The following COL11A2 variants were observed in gnomAD, a reference collection of about 807,000 sequenced individuals.
The protein encoded by COL11A2 is collagen type XI alpha 2 chain, also known as collagen alpha-2(XI) chain.
A neutral mutation model predicts 273.4 loss-of-function variants in COL11A2; 116 were observed. That is an observed-to-expected ratio of 0.42 (90% CI 0.36 to 0.49). The LOEUF (loss-of-function observed/expected upper bound fraction) is 0.49. Ranked by LOEUF, COL11A2 falls within the 20% of genes least tolerant of loss-of-function variation. The pLI is 0.00. For synonymous variants in COL11A2, 782 were observed against 864.2 expected, an observed-to-expected ratio of 0.90 and a Z score of 1.67; for missense variants, 1,866 against 2,309.0, an observed-to-expected ratio of 0.81 and a Z score of 3.93.
At position 33,176,535 on chromosome 6, in the gene COL11A2, G is replaced by T; in HGVS notation, c.2116-49C>A. 1 of 1,551,882 alleles carries T rather than the reference G, an allele frequency of 6.4e-7. No homozygotes were observed. Among genetic ancestry groups the T allele is most frequent in the Non-Finnish European group, 8.9e-7 (1 of 1,124,988 alleles). On this transcript the variant is annotated intron_variant, in intron 26 of 65. Coordinates refer to ENST00000341947, the MANE Select transcript of COL11A2 (RefSeq NM_080680.3). This position sits in a 1 kb window ranked among gnomAD's most constrained non-coding sequence, Gnocchi z 4.9. Reference sequence around the variant, plus strand: ...TATAAAGGGGCCTCAGAGTGTCACTGTGGGGGCCTCCAGGGGTGGAAGAAA... The same window carrying T: ...TATAAAGGGGCCTCAGAGTGTCACTTTGGGGGCCTCCAGGGGTGGAAGAAA...
In COL11A2 at chr6:33,172,381, AAAAGG is replaced by A; in HGVS notation, c.2899-8_2899-4del. On this transcript the variant is annotated splice_region_variant and splice_polypyrimidine_tract_variant and intron_variant, in intron 39 of 65. Coordinates refer to ENST00000341947, the MANE Select transcript of COL11A2 (RefSeq NM_080680.3). ...GCCCCAGGGGGACCAGGGTCACCCT[AAAAGG>A]AAAGGAGAGGTGATGAGCCACAGCC... The A allele has an allele frequency of 6.3e-7, 1 of 1,583,170 alleles. No individual in the cohort carries two copies. Among genetic ancestry groups the A allele is most frequent in the African/African-American group, 1.3e-5 (1 of 74,428 alleles).
In COL11A2 at chr6:33,173,021, T is replaced by G; in HGVS notation, c.2790+39A>C. 1 of 1,601,840 alleles carries G rather than the reference T, an allele frequency of 6.2e-7. No individual in the cohort carries two copies. The highest frequency in any genetic ancestry group is 8.5e-7 in the Non-Finnish European group (1 of 1,170,790). ...AGAAGAGGGGCAGACAGACTAATGCTAGGGTCAGGGGTCCATTCTCTCCTA... is the reference window on the plus strand; with the variant it reads ...AGAAGAGGGGCAGACAGACTAATGCGAGGGTCAGGGGTCCATTCTCTCCTA... On this transcript the variant is annotated intron_variant, in intron 38 of 65. Coordinates refer to ENST00000341947, the MANE Select transcript of COL11A2 (RefSeq NM_080680.3). The surrounding 1 kb of genome is among the most constrained non-coding windows in gnomAD (Gnocchi z 6.3).
In COL11A2 at chr6:33,186,636, G is replaced by A. The variant is rs1480123800; in HGVS notation, c.789C>T (p.Pro263=). ...CTCCCAGCTCCCTCACCTGGCTCTG[G>A]GGTTCCTGATTTTGTGGCCTGTGAA... ...SRLHRPQNQE[P]QSQPTESLYY... Residue 263 remains proline, a synonymous_variant, in exon 5 of 66, where the codon CCC becomes CCT. Coordinates refer to ENST00000341947, the MANE Select transcript of COL11A2 (RefSeq NM_080680.3). 3 of 1,614,022 alleles carry A rather than the reference G, an allele frequency of 1.9e-6. No homozygotes were observed. Among genetic ancestry groups the A allele is most frequent in the Non-Finnish European group, 2.5e-6 (3 of 1,180,040 alleles).
rs558732892 is a variant in COL11A2 at position 33,163,236 on chromosome 6, G to C, written c.*442C>G. ...CTGAGGAAAGTCCTGACTCCAGGAT[G>C]TGGGTGCCGGAGCCCACCCCCGAGA... On this transcript the variant is annotated 3_prime_UTR_variant, in exon 66 of 66. Coordinates refer to ENST00000341947, the MANE Select transcript of COL11A2 (RefSeq NM_080680.3). The surrounding 1 kb of genome is among the most constrained non-coding windows in gnomAD (Gnocchi z 4.1). The C allele has an allele frequency of 4.7e-6, 1 of 212,242 alleles. No individual in the cohort carries two copies. The highest frequency in any genetic ancestry group is 1.2e-4 in the East Asian group (1 of 8,584). 13.1% of individuals were successfully genotyped at this position (212,242 alleles called of 1,614,324 possible). A position where few individuals can be genotyped will look rare whatever the true frequency, so the allele number is the denominator to read the frequency against.
At chr6:33,172,668 C>G in intron 38 of COL11A2, 31 bp from the exon 39 acceptor site, 1 of 1,575,370 alleles carries the variant, frequency 6.3e-7, no homozygotes, top group Non-Finnish European at 8.7e-7. Context: ...TTCCTGCTCT[C>G]AGGCCCTTCA....
At chr6:33,188,910 G>A (rs951577697) in intron 3 of COL11A2, 68 bp downstream of exon 3, 1 of 1,540,682 alleles carries the variant, frequency 6.5e-7, no homozygotes, top group East Asian at 2.2e-5. Context: ...AGTTTAGAGT[G>A]TAGGGGTTTG....
Position 33,166,645 on chromosome 6 carries a change from G to C in COL11A2, c.4338+75C>G. The C allele has an allele frequency of 6.2e-7, 1 of 1,610,640 alleles. No individual in the cohort carries two copies. Among genetic ancestry groups the C allele is most frequent in the African/African-American group, 1.3e-5 (1 of 74,888 alleles). ...CACCTGCTCGCTTACCCACAGCTGA[G>C]TCCCAACTCCAACTCCACCCCTCTC... is the stretch of plus-strand genomic sequence containing the variant. On this transcript the variant is annotated intron_variant, in intron 59 of 65. Coordinates refer to ENST00000341947, the MANE Select transcript of COL11A2 (RefSeq NM_080680.3). This position sits in a 1 kb window ranked among gnomAD's most constrained non-coding sequence, Gnocchi z 4.8.
At chr6:33,172,705 C>A (rs1770286045) in intron 38 of COL11A2, 68 bp from the exon 39 acceptor site, 6 of 1,345,272 alleles carry the variant, frequency 4.5e-6, no homozygotes, top group Non-Finnish European at 6.3e-6. Flanking sequence ...AAGAGCCCAC[C>A]CTGGCCACCC....
rs1416503874 is a variant in COL11A2, at chr6:33,173,089, G to A, written c.2761C>T (p.Pro921Ser). Residue 921 changes from proline (P) to serine (S), a missense_variant, in exon 38 of 66, where the codon CCT (proline) becomes TCT (serine). Transcript: ENST00000341947. This position sits in a 1 kb window ranked among gnomAD's most constrained non-coding sequence, Gnocchi z 6.3. Reference sequence around the variant, plus strand: ...GGTCCCACCACTCCTGGAGGACCAGGGGGGCCGGTCTTCCCTTGGAAACCC... The same window carrying A: ...GGTCCCACCACTCCTGGAGGACCAGAGGGGCCGGTCTTCCCTTGGAAACCC... ...EVGFQGKTGP[P>S]GPPGVVGPQG... 6.2e-7 allele frequency: 1 copy of A among 1,612,668 alleles called. No homozygotes were observed. Among genetic ancestry groups the A allele is most frequent in the Non-Finnish European group, 8.5e-7 (1 of 1,179,870 alleles).
chr6:33,169,801 G>A lies in COL11A2; in HGVS notation c.3690+30C>T, dbSNP rs966632003. On this transcript the variant is annotated intron_variant, in intron 50 of 65. Coordinates refer to ENST00000341947, the MANE Select transcript of COL11A2 (RefSeq NM_080680.3). This position sits in a 1 kb window ranked among gnomAD's most constrained non-coding sequence, Gnocchi z 5.5. Reference sequence around the variant, plus strand: ...AGGGTTGAGGCGGGTGACGGGGACTGGGGAGTAAGGCCTTGGAGCTGTCAC... The same window carrying A: ...AGGGTTGAGGCGGGTGACGGGGACTAGGGAGTAAGGCCTTGGAGCTGTCAC... The A allele has an allele frequency of 5.0e-6, 8 of 1,613,774 alleles. No individual in the cohort carries two copies. Among genetic ancestry groups the A allele is most frequent in the Non-Finnish European group, 6.8e-6 (8 of 1,179,746 alleles).
rs1326180585 is a variant in COL11A2 at position 33,166,958 on chromosome 6, T to C, written c.4230+112A>G. 6.5e-7 allele frequency: 1 copy of C among 1,537,408 alleles called. No homozygotes were observed. Among genetic ancestry groups the C allele is most frequent in the Non-Finnish European group, 8.9e-7 (1 of 1,123,240 alleles). On this transcript the variant is annotated intron_variant, in intron 58 of 65. Transcript: ENST00000341947. The surrounding 1 kb of genome is among the most constrained non-coding windows in gnomAD (Gnocchi z 4.8). Reference sequence around the variant, plus strand: ...TGGCCCTCACTGAGCAGGGACTCCCTGGGACTGGCTGCCGGAGGCCTGAAG... The same window carrying C: ...TGGCCCTCACTGAGCAGGGACTCCCCGGGACTGGCTGCCGGAGGCCTGAAG...
At position 33,164,771 on chromosome 6, in the gene COL11A2, G is replaced by A; in HGVS notation, c.4863+81C>T. ...CGGGGGGGGCAACAGCCAGGGGACTGTCACCAAAACCCAGAAACCACTAAG... is the reference window on the plus strand; with the variant it reads ...CGGGGGGGGCAACAGCCAGGGGACTATCACCAAAACCCAGAAACCACTAAG... On this transcript the variant is annotated intron_variant, in intron 64 of 65. Transcript: ENST00000341947. The surrounding 1 kb of genome is among the most constrained non-coding windows in gnomAD (Gnocchi z 4.7). 1 of 1,283,660 alleles carries A rather than the reference G, an allele frequency of 7.8e-7. No individual in the cohort carries two copies. The highest frequency in any genetic ancestry group is 1.1e-6 in the Non-Finnish European group (1 of 910,350). The allele number at this position is 1,283,660 out of a possible 1,614,324, so 79.5% of individuals were successfully genotyped here. A position where few individuals can be genotyped will look rare whatever the true frequency, so the allele number is the denominator to read the frequency against.
intron 54 of COL11A2, among the ~76,000 whole-genome samples, chr6:33,168,102 C>T (rs1769446981): frequency 6.6e-6 from 1 of 152,120 alleles, no homozygotes; most frequent in Admixed American, 6.5e-5. Context: ...GTCTCCTGCC[C>T]CAGAAACTAA....
Position 33,178,051 on chromosome 6 carries a change from G to T in COL11A2, c.1872+81C>A. The T allele has an allele frequency of 7.2e-7, 1 of 1,388,130 alleles. No homozygotes were observed. The highest frequency in any genetic ancestry group is 1.0e-6 in the Non-Finnish European group (1 of 994,358). The allele number at this position is 1,388,130 out of a possible 1,614,324, so 86.0% of individuals were successfully genotyped here. A position where few individuals can be genotyped will look rare whatever the true frequency, so the allele number is the denominator to read the frequency against. Reference sequence around the variant, plus strand: ...GGGAAGCATGCCGAGAGAGGAGAGGGAGCAGGAAGGCAGCTAGAAAGGTGG... The same window carrying T: ...GGGAAGCATGCCGAGAGAGGAGAGGTAGCAGGAAGGCAGCTAGAAAGGTGG... On this transcript the variant is annotated intron_variant, in intron 21 of 65. Transcript: ENST00000341947. The surrounding 1 kb of genome is among the most constrained non-coding windows in gnomAD (Gnocchi z 4.6).
At chr6:33,180,807 T>C in intron 10 of COL11A2, 77 bp from the exon 11 acceptor site, 1 of 1,571,468 alleles carries the variant, frequency 6.4e-7, no homozygotes. Context: ...TGAGGAGTGG[T>C]CTGTGCAGAA....
Position 33,165,438 on chromosome 6 carries a change from G to A in COL11A2, c.4750+111C>T. 6.6e-7 allele frequency: 1 copy of A among 1,519,968 alleles called. No homozygotes were observed. The highest frequency in any genetic ancestry group is 9.0e-7 in the Non-Finnish European group (1 of 1,109,892). The allele number at this position is 1,519,968 out of a possible 1,614,324, so 94.2% of individuals were successfully genotyped here. On this transcript the variant is annotated intron_variant, in intron 63 of 65. Transcript: ENST00000341947. The surrounding 1 kb of genome is among the most constrained non-coding windows in gnomAD (Gnocchi z 7.7). The stretch of plus-strand genomic sequence containing the variant: ...AATAGCTGCAGTTCCCAGCCCCTCA[G>A]CCCTCACCCTTAACCCAACACCTTC...
In COL11A2 at chr6:33,173,842, G is replaced by A. The variant is rs369777341; in HGVS notation, c.2583+31C>T. 3,579 of 1,613,630 alleles carry A rather than the reference G, an allele frequency of 2.2e-3. 93 individuals carry two copies. In the South Asian group the frequency reaches 0.033, roughly 15 times the overall value. On this transcript the variant is annotated intron_variant, in intron 34 of 65. Coordinates refer to ENST00000341947, the MANE Select transcript of COL11A2 (RefSeq NM_080680.3). The surrounding 1 kb of genome is among the most constrained non-coding windows in gnomAD (Gnocchi z 6.3). ...GGAGAGCTGGGGCTGAGTGGGCAGG[G>A]GGCAGTTGGAGCCTTGTAGAGACCA...
rs1355326753 is a variant in COL11A2, at chr6:33,164,987, G to A, written c.4751-23C>T. The stretch of plus-strand genomic sequence containing the variant: ...CTCCTGTTGGGTGAGGGAGAGGGGA[G>A]GTCAGGGCCACCTAGGTCCAGGCTC... On this transcript the variant is annotated intron_variant, in intron 63 of 65. Transcript: ENST00000341947. This position sits in a 1 kb window ranked among gnomAD's most constrained non-coding sequence, Gnocchi z 4.7. 6 of 1,543,712 alleles carry A rather than the reference G, an allele frequency of 3.9e-6. No homozygotes were observed. Among genetic ancestry groups the A allele is most frequent in the East Asian group, 2.4e-5 (1 of 41,664 alleles).
Position 33,179,933 on chromosome 6 carries a change from C to G in COL11A2, c.1360-128G>C, listed in dbSNP as rs1176691996. The G allele has an allele frequency of 1.1e-6, 1 of 874,644 alleles. No homozygotes were observed. Among genetic ancestry groups the G allele is most frequent in the East Asian group, 2.5e-5 (1 of 39,222 alleles). 54.2% of individuals were successfully genotyped at this position (874,644 alleles called of 1,614,324 possible). A position where few individuals can be genotyped will look rare whatever the true frequency, so the allele number is the denominator to read the frequency against. Reference sequence around the variant, plus strand: ...GCCCATCCAGCATTTCCCATGGCTTCCAGATAATCACTTAGAGGATTCCAG... The same window carrying G: ...GCCCATCCAGCATTTCCCATGGCTTGCAGATAATCACTTAGAGGATTCCAG... On this transcript the variant is annotated intron_variant, in intron 12 of 65. Coordinates refer to ENST00000341947, the MANE Select transcript of COL11A2 (RefSeq NM_080680.3). The surrounding 1 kb of genome is among the most constrained non-coding windows in gnomAD (Gnocchi z 6.4).
Sources: allele counts gnomAD v4.1 joint callset (sites outside exome capture counted in the v4.1 genomes callset), GRCh38; gene constraint gnomAD v4.1.1; non-coding constraint Gnocchi (gnomAD v3.1); transcripts MANE v1.5; gene names NCBI Gene and HGNC (gene_info 2026-07-23, HGNC 2026-07-21).